ABCC11: variants seen among roughly 807,000 people sequenced by gnomAD.
The protein encoded by ABCC11 is ATP-binding cassette sub-family C member 11.
ABCC11 carries 135 observed loss-of-function variants against 149.3 expected under a neutral mutation model. That is an observed-to-expected ratio of 0.90 (90% confidence interval 0.79 to 1.04). ABCC11 has a LOEUF of 1.04. Ranked by LOEUF, ABCC11 falls within the 50% of genes least tolerant of loss-of-function variation. ABCC11 has a pLI of 0.00. For missense variants in ABCC11, 1,680 were observed against 1,722.1 expected (o/e 0.98, Z 0.43); for synonymous variants, 665 against 671.4 (o/e 0.99, Z 0.15).
At chr16:48,209,155 T>A (rs937900160) in intron 11 of ABCC11, among the ~76,000 whole-genome samples, 1 of 152,150 alleles carries the variant, frequency 6.6e-6, no homozygotes, top group South Asian at 2.1e-4. Flanking sequence ...CAGGTGTCAT[T>A]GCTGCCCAAG....
chr16:48,237,714 T>C (rs939145076), intron 1 of ABCC11, among the ~76,000 whole-genome samples: 2 of 152,196 alleles, frequency 1.3e-5, no homozygotes, highest in Non-Finnish European at 2.9e-5. Context: ...CTGCCCACCT[T>C]ATTGCAACTG....
intron 1 of ABCC11, among the ~76,000 whole-genome samples, chr16:48,233,303 G>T (rs1970524269): frequency 1.3e-5 from 2 of 152,180 alleles, no homozygotes; most frequent in South Asian, 4.1e-4. Flanking sequence ...AGATTTCTTT[G>T]TCCCACTCCT....
intron 6 of ABCC11, 51 bp downstream of exon 6, chr16:48,222,547 G>A (rs531994676): frequency 2.0e-4 from 305 of 1,520,164 alleles, no homozygotes; most frequent in East Asian, 6.1e-4. Context: ...AGTTATGTCC[G>A]GAGGAAGGGT....
intron 6 of ABCC11, among the ~76,000 whole-genome samples, chr16:48,220,450 G>T (rs918390070): frequency 2.0e-5 from 3 of 152,212 alleles, no homozygotes; most frequent in South Asian, 2.1e-4. Flanking sequence ...GGGTTGTTAC[G>T]ATGACTTTCC....
intron 22 of ABCC11, 107 bp downstream of exon 22, chr16:48,186,846 T>C: frequency 1.4e-6 from 2 of 1,381,848 alleles, no homozygotes; most frequent in East Asian, 2.3e-5. Flanking sequence ...AACAATGTGC[T>C]CTCTGATGCT....
At chr16:48,192,172 G>T (rs931738649) in intron 20 of ABCC11, among the ~76,000 whole-genome samples, 2 of 152,054 alleles carry the variant, frequency 1.3e-5, no homozygotes, top group African/African-American at 4.8e-5. Context: ...GGCCGGGGGT[G>T]GTGGCTCATG....
chr16:48,237,660 C>A (rs1970752835), intron 1 of ABCC11, among the ~76,000 whole-genome samples: 1 of 152,142 alleles, frequency 6.6e-6, no homozygotes, highest in South Asian at 2.1e-4. Flanking sequence ...AGAGTAAGAC[C>A]CAAACTCCTT....
chr16:48,178,534 G>C, intron 24 of ABCC11, 63 bp downstream of exon 24: 1 of 1,510,442 alleles, frequency 6.6e-7, no homozygotes, highest in African/African-American at 1.4e-5. Flanking sequence ...GGCTTGTAGA[G>C]GTCACAGAAG....
chr16:48,195,754 T>C (rs563152464), intron 18 of ABCC11, among the ~76,000 whole-genome samples: 73 of 152,350 alleles, frequency 4.8e-4, no homozygotes, highest in African/African-American at 1.7e-3. Context: ...CCTTTTGCGA[T>C]GTGGCCGCTA....
At position 48,192,697 on chromosome 16, in the gene ABCC11, GCT is replaced by G. The variant is rs1967034194; in HGVS notation, c.2527_2528del (p.Ser843GlnfsTer69). ...QGSGTNSSRE[S>X]NGTMADLGNI... is the part of the protein sequence containing the mutation. The stretch of plus-strand genomic sequence containing the variant: ...TGCCCAGGTCTGCCATGGTTCCATT[GCT>G]CTCTCGGCTGCTATTGGTCTTCAAG... On this transcript the variant is annotated frameshift_variant, in exon 20 of 30. Coordinates refer to ENST00000356608, the MANE Select transcript of ABCC11 (RefSeq NM_001370497.1). LOFTEE classifies it high-confidence loss of function. 2.5e-6 allele frequency: 4 copies of G among 1,614,108 alleles called. No individual in the cohort carries two copies. In the Admixed American group the frequency reaches 6.7e-5, roughly 27 times the overall value.
chr16:48,188,914 A>G (rs1341839728), intron 20 of ABCC11, among the ~76,000 whole-genome samples: 3 of 152,248 alleles, frequency 2.0e-5, no homozygotes, highest in Non-Finnish European at 4.4e-5. Flanking sequence ...GGAGGGAAGG[A>G]CATTTTGACG....
chr16:48,186,753 T>C (rs921274059), intron 22 of ABCC11, among the ~76,000 whole-genome samples, 200 bp downstream of exon 22: 1 of 152,226 alleles, frequency 6.6e-6, no homozygotes, highest in Non-Finnish European at 1.5e-5. Flanking sequence ...TACAAACATT[T>C]TTCCTATCAT....
At chr16:48,227,000 C>T (rs536668588) in intron 4 of ABCC11, among the ~76,000 whole-genome samples, 145 of 152,320 alleles carry the variant, frequency 9.5e-4, no homozygotes, top group Middle Eastern at 3.4e-3. Context: ...TTCATATTCT[C>T]CCACCTTTTG....
At chr16:48,168,837 C>A (rs547657487) in intron 28 of ABCC11, among the ~76,000 whole-genome samples, 1 of 152,198 alleles carries the variant, frequency 6.6e-6, no homozygotes, top group African/African-American at 2.4e-5. Context: ...GGGAGTTGAA[C>A]AATGAGAACA....
intron 27 of ABCC11, 76 bp downstream of exon 27, chr16:48,170,813 G>A (rs549363832): frequency 2.8e-5 from 38 of 1,357,870 alleles, no homozygotes; most frequent in Middle Eastern, 2.2e-4. Context: ...AACACCACAT[G>A]AGAGGAGCCC....
chr16:48,205,210 A>T (rs1968325441), intron 13 of ABCC11, among the ~76,000 whole-genome samples: 1 of 152,178 alleles, frequency 6.6e-6, no homozygotes, highest in Non-Finnish European at 1.5e-5. Context: ...CTTCGGGCAA[A>T]TTATTTAACC....
chr16:48,242,957 G>A (rs1567299276), intron 1 of ABCC11, among the ~76,000 whole-genome samples: 1 of 151,958 alleles, frequency 6.6e-6, no homozygotes, highest in African/African-American at 2.4e-5. Flanking sequence ...TGTAAATGAC[G>A]AGTTAGTGAG....
intron 5 of ABCC11, 64 bp downstream of exon 5, chr16:48,224,218 G>T: frequency 6.5e-7 from 1 of 1,545,948 alleles, no homozygotes; most frequent in South Asian, 1.2e-5. Flanking sequence ...GAACATGCCC[G>T]CAGTTCCATC....
At chr16:48,172,533 G>A (rs1488525499) in intron 26 of ABCC11, among the ~76,000 whole-genome samples, 2 of 151,248 alleles carry the variant, frequency 1.3e-5, no homozygotes, top group East Asian at 3.9e-4. Context: ...GCTCAAGCAA[G>A]CCTCCCACCT....
Sources: allele counts gnomAD v4.1 joint callset (sites outside exome capture counted in the v4.1 genomes callset), GRCh38; gene constraint gnomAD v4.1.1; transcripts MANE v1.5; gene names NCBI Gene and HGNC (gene_info 2026-07-23, HGNC 2026-07-21).